GUCY1A2: variants seen among roughly 807,000 people sequenced by gnomAD.
The protein encoded by GUCY1A2 is guanylate cyclase soluble subunit alpha-2.
GUCY1A2 carries 27 observed loss-of-function variants against 63.5 expected under a neutral mutation model. The ratio of observed to expected loss-of-function variants is 0.43; its 90% confidence interval spans 0.31 to 0.59. The LOEUF is 0.59. GUCY1A2 is among the 20% of genes least tolerant of loss of function. The pLI is 0.11. For synonymous variants in GUCY1A2, 364 were observed against 343.5 expected, an observed-to-expected ratio of 1.06 and a Z score of -0.66; for missense variants, 768 against 913.3, an observed-to-expected ratio of 0.84 and a Z score of 2.05.
chr11:106,867,152 G>A (rs993844058), intron 4 of GUCY1A2, among the ~76,000 whole-genome samples: 1 of 152,082 alleles, frequency 6.6e-6, no homozygotes, highest in African/African-American at 2.4e-5. Flanking sequence ...TTCTCAAAGA[G>A]AGGTAATCAT....
intron 4 of GUCY1A2, among the ~76,000 whole-genome samples, chr11:106,862,581 T>A (rs1279970356): frequency 1.7e-4 from 26 of 152,052 alleles, no homozygotes; most frequent in Non-Finnish European, 1.2e-4. Flanking sequence ...AAAACCTTTG[T>A]GGGCACTCTA....
intron 3 of GUCY1A2, among the ~76,000 whole-genome samples, chr11:106,974,341 TAAAC>T (rs1289926867): frequency 6.6e-6 from 1 of 152,100 alleles, no homozygotes; most frequent in African/African-American, 2.4e-5. Context: ...TCTTATCTAC[TAAAC>T]AATTATATTA....
At chr11:106,900,775 G>A (rs1197675344) in intron 4 of GUCY1A2, among the ~76,000 whole-genome samples, 1 of 152,142 alleles carries the variant, frequency 6.6e-6, no homozygotes. Flanking sequence ...TCTATTAAGT[G>A]TGCAATACCA....
intron 1 of GUCY1A2, among the ~76,000 whole-genome samples, chr11:107,017,352 T>C (rs546289672): frequency 6.6e-6 from 1 of 152,216 alleles, no homozygotes; most frequent in East Asian, 1.9e-4. Context: ...TTTGGGATGC[T>C]GGAGAACAGG....
At chr11:106,738,435 C>CT in intron 6 of GUCY1A2, among the ~76,000 whole-genome samples, 1 of 152,250 alleles carries the variant, frequency 6.6e-6, no homozygotes, top group East Asian at 1.9e-4. Context: ...GTTGCCATTG[C>CT]TTTTGGTGTT....
At chr11:107,012,326 T>TA (rs1359914518) in intron 1 of GUCY1A2, among the ~76,000 whole-genome samples, 4 of 151,010 alleles carry the variant, frequency 2.6e-5, no homozygotes, top group African/African-American at 9.8e-5. Flanking sequence ...ATTAGGTGAC[T>TA]AGCAAGTGAA....
intron 4 of GUCY1A2, among the ~76,000 whole-genome samples, chr11:106,861,645 A>C (rs2135457656): frequency 6.6e-6 from 1 of 152,184 alleles, no homozygotes; most frequent in East Asian, 1.9e-4. Flanking sequence ...GATGTGTATA[A>C]AAGAATAGCA....
chr11:106,726,218 C>A (rs2135367669), intron 6 of GUCY1A2, among the ~76,000 whole-genome samples: 1 of 152,128 alleles, frequency 6.6e-6, no homozygotes, highest in African/African-American at 2.4e-5. Context: ...AGTTTGAGAC[C>A]AGCCTGACCG....
At chr11:106,802,385 ACT>A (rs1327074341) in intron 5 of GUCY1A2, among the ~76,000 whole-genome samples, 1 of 152,138 alleles carries the variant, frequency 6.6e-6, no homozygotes, top group African/African-American at 2.4e-5. Flanking sequence ...AACACAATTA[ACT>A]CTATAAGGCT....
At chr11:106,865,311 C>G (rs1482567751) in intron 4 of GUCY1A2, among the ~76,000 whole-genome samples, 3 of 151,830 alleles carry the variant, frequency 2.0e-5, no homozygotes, top group Non-Finnish European at 4.4e-5. Context: ...GACTAGCAGT[C>G]TGTTAATCTT....
chr11:106,754,640 T>C (rs1863940880), intron 6 of GUCY1A2, among the ~76,000 whole-genome samples: 1 of 152,230 alleles, frequency 6.6e-6, no homozygotes, highest in Non-Finnish European at 1.5e-5. Context: ...TTGGTTCTGT[T>C]TTTGTGATGG....
At chr11:106,740,783 C>T (rs1314202653) in intron 6 of GUCY1A2, among the ~76,000 whole-genome samples, 1 of 152,086 alleles carries the variant, frequency 6.6e-6, no homozygotes, top group African/African-American at 2.4e-5. Context: ...AAGTGATTCT[C>T]CTACCTCAGC....
chr11:106,873,584 T>A (rs1225659253), intron 4 of GUCY1A2, among the ~76,000 whole-genome samples: 1 of 152,194 alleles, frequency 6.6e-6, no homozygotes, highest in Non-Finnish European at 1.5e-5. Context: ...GAAGTGTATG[T>A]TCATATCCTT....
At chr11:106,709,501 A>C (rs1425385013) in intron 6 of GUCY1A2, among the ~76,000 whole-genome samples, 2 of 51,666 alleles carry the variant, frequency 3.9e-5, no homozygotes, top group Non-Finnish European at 6.0e-5. Flanking sequence ...TATATATAAT[A>C]ATATATATTA....
intron 7 of GUCY1A2, among the ~76,000 whole-genome samples, chr11:106,693,377 T>G (rs987924100): frequency 1.3e-5 from 2 of 152,126 alleles, no homozygotes; most frequent in African/African-American, 4.8e-5. Flanking sequence ...AATTTTCTCC[T>G]AGTCTTTTTT....
chr11:106,940,104 C>T lies in GUCY1A2; in HGVS notation c.562G>A (p.Val188Ile), dbSNP rs778467993. 1.1e-5 allele frequency: 18 copies of T among 1,612,844 alleles called. No homozygotes were observed. The highest frequency in any genetic ancestry group is 1.5e-5 in the Non-Finnish European group (18 of 1,178,934). The change falls in exon 4 of 8, where the codon GTC becomes ATC. Residue 188 changes from valine to isoleucine, a missense_variant. This residue lies in a region of GUCY1A2 where 496 missense variants were observed against 486.9 expected (regional missense o/e 1.02). Transcript: ENST00000526355. ...FNICFHENER[V>I]LRAVGGTLQD... is the part of the protein sequence containing the mutation. The stretch of plus-strand genomic sequence containing the variant: ...AAAGTGCCACCTACAGCTCGAAGGA[C>T]TCTCTCATTCTCATGAAAGCATATA...
chr11:106,860,988 A>T (rs998868479), intron 4 of GUCY1A2, among the ~76,000 whole-genome samples: 2 of 151,990 alleles, frequency 1.3e-5, no homozygotes, highest in Non-Finnish European at 2.9e-5. Flanking sequence ...AAGGAGGAGG[A>T]GGAGGAGGAA....
At chr11:106,706,270 G>C (rs1862908443) in intron 7 of GUCY1A2, among the ~76,000 whole-genome samples, 1 of 152,092 alleles carries the variant, frequency 6.6e-6, no homozygotes, top group Non-Finnish European at 1.5e-5. Context: ...ACTCTCATGA[G>C]CTTAATACTG....
chr11:106,854,250 G>A (rs998239947), intron 4 of GUCY1A2, among the ~76,000 whole-genome samples: 5 of 152,314 alleles, frequency 3.3e-5, no homozygotes, highest in Admixed American at 1.3e-4. Flanking sequence ...CCTTGGGCCC[G>A]TGGGAGTGAA....
Sources: gnomAD v4.1 joint callset for allele counts (sites outside exome capture counted in the v4.1 genomes callset) on GRCh38, gnomAD v4.1.1 for gene constraint, gnomAD v4.1.1 regional missense constraint, MANE v1.5 for transcripts, NCBI Gene and HGNC (gene_info 2026-07-23, HGNC 2026-07-21) for gene names.